MYO18B: variants seen among roughly 807,000 people sequenced by gnomAD.
MYO18B encodes unconventional myosin-XVIIIb.
A neutral mutation model predicts 273.0 loss-of-function variants in MYO18B; 204 were observed. That is an observed-to-expected ratio of 0.75 (90% CI 0.67 to 0.84). The LOEUF is 0.84. MYO18B is among the 40% of genes least tolerant of loss of function. The probability of loss-of-function intolerance (pLI) is 0.00; values close to 1 mark genes in which losing one functional copy is unlikely to be tolerated. For missense variants in MYO18B, 3,212 were observed against 3,287.6 expected (o/e 0.98, Z 0.56); for synonymous variants, 1,330 against 1,305.7 (o/e 1.02, Z -0.40).
At chr22:25,870,956 G>T (rs762303214) in intron 22 of MYO18B, among the ~76,000 whole-genome samples, 1 of 152,182 alleles carries the variant, frequency 6.6e-6, no homozygotes, top group Non-Finnish European at 1.5e-5. Flanking sequence ...GGAGTAAGAA[G>T]TCTGTACACC....
chr22:26,038,764 G>C, the MYO18B span, among the ~76,000 whole-genome samples: 193 of 152,276 alleles, frequency 1.3e-3, 5 homozygotes, highest in South Asian at 0.018. Flanking sequence ...GGTAATGCGT[G>C]ACTGACCTTG....
chr22:25,990,686 C>CAAAAA (rs745998234), intron 39 of MYO18B, among the ~76,000 whole-genome samples: 281 of 27,032 alleles, frequency 0.01, 12 homozygotes, highest in East Asian at 0.045. Context: ...GACTTTGTCT[C>CAAAAA]AAAAAAAAAA....
At chr22:26,009,362 C>T (rs1160296552) in intron 42 of MYO18B, among the ~76,000 whole-genome samples, 1 of 152,120 alleles carries the variant, frequency 6.6e-6, no homozygotes, top group Non-Finnish European at 1.5e-5. Context: ...TGTTTCAGTT[C>T]TTCCCCCAGA....
chr22:26,013,254 A>G (rs1200941339), intron 42 of MYO18B, among the ~76,000 whole-genome samples: 1 of 152,188 alleles, frequency 6.6e-6, no homozygotes, highest in African/African-American at 2.4e-5. Flanking sequence ...GTCTGGAGAC[A>G]TTTTTGGCTG....
At chr22:25,948,142 C>T (rs1485357587) in intron 36 of MYO18B, among the ~76,000 whole-genome samples, 1 of 152,154 alleles carries the variant, frequency 6.6e-6, no homozygotes, top group Non-Finnish European at 1.5e-5. Context: ...TTCCACCCAT[C>T]TACTCATTCA....
At chr22:26,009,944 TC>T in intron 42 of MYO18B, among the ~76,000 whole-genome samples, 1 of 152,298 alleles carries the variant, frequency 6.6e-6, no homozygotes, top group African/African-American at 2.4e-5. Context: ...TCTATACTGA[TC>T]ACCAACCAGG....
the MYO18B span, among the ~76,000 whole-genome samples, chr22:26,050,052 A>G: frequency 3.3e-5 from 5 of 152,236 alleles, no homozygotes; most frequent in Non-Finnish European, 7.3e-5. Context: ...GCCCTCAGAA[A>G]AACAGCACTA....
intron 15 of MYO18B, among the ~76,000 whole-genome samples, chr22:25,830,338 G>C (rs1401418296): frequency 6.6e-6 from 1 of 152,074 alleles, no homozygotes; most frequent in Non-Finnish European, 1.5e-5. Context: ...CCATAATAAT[G>C]CTGCGTAATA....
At chr22:26,000,757 C>T (rs988216105) in intron 40 of MYO18B, among the ~76,000 whole-genome samples, 1 of 152,082 alleles carries the variant, frequency 6.6e-6, no homozygotes, top group Non-Finnish European at 1.5e-5. Flanking sequence ...GAGACCATCT[C>T]AAATGGTAGG....
intron 39 of MYO18B, among the ~76,000 whole-genome samples, chr22:25,975,934 G>A (rs2093084127): frequency 6.6e-6 from 1 of 152,102 alleles, no homozygotes; most frequent in Non-Finnish European, 1.5e-5. Context: ...AGCAAACAGT[G>A]GTTTGTCCTA....
chr22:25,832,564 T>C (rs1037805403), intron 15 of MYO18B, among the ~76,000 whole-genome samples: 1 of 152,074 alleles, frequency 6.6e-6, no homozygotes, highest in Non-Finnish European at 1.5e-5. Context: ...ATAAGCTACT[T>C]AGAAAAGTTG....
intron 11 of MYO18B, among the ~76,000 whole-genome samples, chr22:25,793,898 A>AGC: frequency 6.6e-6 from 1 of 152,308 alleles, no homozygotes; most frequent in Middle Eastern, 3.4e-3. Context: ...TTAAGTGTAC[A>AGC]ACTCGATGTT....
intron 12 of MYO18B, among the ~76,000 whole-genome samples, chr22:25,803,401 C>T (rs977084429): frequency 1.3e-4 from 19 of 150,372 alleles, no homozygotes; most frequent in Admixed American, 4.0e-4. Context: ...ACCCATGGAC[C>T]AGTTTTTTTT....
At chr22:25,900,936 G>A (rs527771435) in intron 29 of MYO18B, 4 of 152,306 alleles carry the variant, frequency 2.6e-5, no homozygotes, top group East Asian at 1.9e-4. Flanking sequence ...CCTCCTCTCC[G>A]AGTGATTTCA....
intron 13 of MYO18B, among the ~76,000 whole-genome samples, chr22:25,824,695 C>G (rs2089422253): frequency 6.6e-6 from 1 of 152,102 alleles, no homozygotes; most frequent in African/African-American, 2.4e-5. Context: ...GTCACTTGGA[C>G]CCCATTGGCC....
At chr22:25,906,435 TACAC>T (rs1296597341) in intron 31 of MYO18B, among the ~76,000 whole-genome samples, 1 of 152,214 alleles carries the variant, frequency 6.6e-6, no homozygotes, top group East Asian at 1.9e-4. Flanking sequence ...GCCTCTGACG[TACAC>T]TATCCTTTTG....
intron 25 of MYO18B, among the ~76,000 whole-genome samples, chr22:25,886,128 A>G (rs1339075724): frequency 2.6e-5 from 4 of 152,222 alleles, no homozygotes; most frequent in Non-Finnish European, 5.9e-5. Flanking sequence ...CCTCGAGACA[A>G]CATCAGTACC....
intron 34 of MYO18B, among the ~76,000 whole-genome samples, chr22:25,943,773 G>A (rs1024724483): frequency 1.8e-4 from 25 of 136,958 alleles, no homozygotes; most frequent in African/African-American, 5.5e-4. Flanking sequence ...AGGCTGGAGT[G>A]CAATGGTGCG....
intron 39 of MYO18B, among the ~76,000 whole-genome samples, chr22:25,978,152 A>T (rs2146773615): frequency 6.6e-6 from 1 of 152,334 alleles, no homozygotes; most frequent in Middle Eastern, 3.4e-3. Context: ...ATTGGCAAAT[A>T]ATTCCTATCT....
Sources: gnomAD v4.1 joint callset for allele counts (sites outside exome capture counted in the v4.1 genomes callset) on GRCh38, gnomAD v4.1.1 for gene constraint, MANE v1.5 for transcripts, NCBI Gene and HGNC (gene_info 2026-07-23, HGNC 2026-07-21) for gene names.